SULF2: variants seen among roughly 807,000 people sequenced by gnomAD.
SULF2 encodes extracellular sulfatase Sulf-2.
Under a neutral mutation model 107.7 loss-of-function variants are expected in SULF2, and 52 were observed. The observed-to-expected ratio is 0.48, with a 90% confidence interval of 0.39 to 0.61. The LOEUF (loss-of-function observed/expected upper bound fraction) is 0.61. Ranked by LOEUF, SULF2 falls within the 20% of genes least tolerant of loss-of-function variation. SULF2 has a pLI of 0.00. For synonymous variants in SULF2, 460 were observed against 464.3 expected (o/e 0.99, Z 0.12); for missense variants, 993 against 1,177.3 (o/e 0.84, Z 2.29).
chr20:47,697,435 C>T (rs1208922475), intron 4 of SULF2, among the ~76,000 whole-genome samples: 3 of 152,344 alleles, frequency 2.0e-5, no homozygotes, highest in Middle Eastern at 3.4e-3. Context: ...CAGTGACATT[C>T]TGCCTTGCCA....
At chr20:47,741,016 C>G (rs1424679293) in intron 2 of SULF2, among the ~76,000 whole-genome samples, 1 of 152,194 alleles carries the variant, frequency 6.6e-6, no homozygotes, top group African/African-American at 2.4e-5. Flanking sequence ...CTCTCTTCAA[C>G]GTAAACACCC....
chr20:47,676,032 G>A (rs2087628543), intron 10 of SULF2, among the ~76,000 whole-genome samples: 2 of 151,918 alleles, frequency 1.3e-5, no homozygotes, highest in Admixed American at 1.3e-4. Flanking sequence ...GACTGTTCCT[G>A]GCCATAATTT....
rs559345420 is a variant in SULF2, at chr20:47,658,223, T to C, written c.*139A>G. On this transcript the variant is annotated 3_prime_UTR_variant, in exon 21 of 21. Coordinates refer to ENST00000688720, the MANE Select transcript of SULF2 (RefSeq NM_001387048.1). ...TGGTTATCCTCCAGAATCTGTCATG[T>C]TGACTGAGAGTGCGTGCTTGCTTTC... The C allele has an allele frequency of 6.3e-4, 523 of 825,242 alleles. 2 individuals are homozygous for C. Among genetic ancestry groups the C allele is most frequent in the Middle Eastern group, 5.0e-3 (21 of 4,164 alleles). 51.1% of individuals were successfully genotyped at this position (825,242 alleles called of 1,614,324 possible).
chr20:47,769,822 G>A (rs1474316175), intron 1 of SULF2, among the ~76,000 whole-genome samples: 1 of 152,110 alleles, frequency 6.6e-6, no homozygotes, highest in Non-Finnish European at 1.5e-5. Flanking sequence ...AAATAGGTTG[G>A]GTAGCGAAGG....
intron 2 of SULF2, among the ~76,000 whole-genome samples, chr20:47,738,541 A>G (rs1450040920): frequency 6.6e-6 from 1 of 152,192 alleles, no homozygotes; most frequent in African/African-American, 2.4e-5. Context: ...TGTGGCTCCC[A>G]TATTTCCCAC....
chr20:47,712,025 C>CAGGAAAATACAGAAAAT (rs1982471505), intron 3 of SULF2, among the ~76,000 whole-genome samples: 1 of 152,180 alleles, frequency 6.6e-6, no homozygotes, highest in African/African-American at 2.4e-5. Flanking sequence ...ACAGTAAAAG[C>CAGGAAAATACAGAAAAT]ACATATACAC....
upstream of SULF2, chr20:47,786,532 C>G (rs2090934148): frequency 6.6e-6 from 1 of 152,220 alleles, no homozygotes; most frequent in Admixed American, 6.5e-5. Context: ...CAGGGCAAAC[C>G]GAGCTGCCTG....
intron 3 of SULF2, among the ~76,000 whole-genome samples, chr20:47,736,428 G>T (rs1337252068): frequency 1.3e-5 from 2 of 152,088 alleles, no homozygotes; most frequent in African/African-American, 4.8e-5. Flanking sequence ...GCACCTTATG[G>T]CCTCTCCACA....
intron 1 of SULF2, among the ~76,000 whole-genome samples, chr20:47,776,560 T>C (rs2090729075): frequency 6.6e-6 from 1 of 152,168 alleles, no homozygotes; most frequent in African/African-American, 2.4e-5. Flanking sequence ...TGACCGCTGT[T>C]CTTTCAGGAA....
At chr20:47,674,096 G>A (rs908462643) in intron 10 of SULF2, among the ~76,000 whole-genome samples, 1 of 152,228 alleles carries the variant, frequency 6.6e-6, no homozygotes, top group Non-Finnish European at 1.5e-5. Context: ...TTTTTACATT[G>A]TACGTTTTCA....
At chr20:47,692,721 T>G (rs895638502) in intron 4 of SULF2, among the ~76,000 whole-genome samples, 8 of 152,198 alleles carry the variant, frequency 5.3e-5, no homozygotes, top group Admixed American at 3.9e-4. Context: ...GCAATCCTCC[T>G]GCCTCAGCCT....
chr20:47,666,615 C>T lies in SULF2; in HGVS notation c.1577-127G>A, dbSNP rs76200568. ...ATGAGGCTCAGCTTTGCCTGCGACT[C>T]GAGGGGTCGTGGAATCTACCCGCCT... is the stretch of plus-strand genomic sequence containing the variant. On this transcript the variant is annotated intron_variant, in intron 11 of 20. Coordinates refer to ENST00000688720, the MANE Select transcript of SULF2 (RefSeq NM_001387048.1). The surrounding 1 kb of genome is among the most constrained non-coding windows in gnomAD (Gnocchi z 5.4). The T allele has an allele frequency of 1.4e-3, 1,042 of 746,416 alleles. 11 individuals carry two copies. The East Asian group carries it at 0.022, about 16-fold the overall frequency. 46.2% of individuals were successfully genotyped at this position (746,416 alleles called of 1,614,324 possible). A position where few individuals can be genotyped will look rare whatever the true frequency, so the allele number is the denominator to read the frequency against.
intron 1 of SULF2, among the ~76,000 whole-genome samples, chr20:47,779,225 T>C (rs1198521067): frequency 6.6e-6 from 1 of 152,224 alleles, no homozygotes; most frequent in Non-Finnish European, 1.5e-5. Flanking sequence ...GCAGCATCCC[T>C]GGCCTCTACC....
intron 3 of SULF2, among the ~76,000 whole-genome samples, chr20:47,713,076 G>T (rs1039743015): frequency 6.6e-6 from 1 of 151,912 alleles, no homozygotes; most frequent in South Asian, 2.1e-4. Flanking sequence ...GAAAGGAAGG[G>T]ATTTCTATTA....
intron 4 of SULF2, among the ~76,000 whole-genome samples, chr20:47,691,791 A>C (rs2088205774): frequency 6.6e-6 from 1 of 152,230 alleles, no homozygotes; most frequent in African/African-American, 2.4e-5. Flanking sequence ...TGACTTACAT[A>C]TTGGGCAAGA....
In SULF2 at chr20:47,678,891, G is replaced by A. The variant is rs1055349290; in HGVS notation, c.1065-87C>T. 1.7e-6 allele frequency: 2 copies of A among 1,166,012 alleles called. No homozygotes were observed. Among genetic ancestry groups the A allele is most frequent in the Admixed American group, 1.7e-5 (1 of 57,706 alleles). 72.2% of individuals were successfully genotyped at this position (1,166,012 alleles called of 1,614,324 possible). A position where few individuals can be genotyped will look rare whatever the true frequency, so the allele number is the denominator to read the frequency against. The stretch of plus-strand genomic sequence containing the variant: ...GGGGGTGGGGAGCGGTAGGTGGGCA[G>A]CAGTTTGTGGGAGGCTGACATCTGC... On this transcript the variant is annotated intron_variant, in intron 7 of 20. Transcript: ENST00000688720. The surrounding 1 kb of genome is among the most constrained non-coding windows in gnomAD (Gnocchi z 4.5).
chr20:47,723,737 G>A (rs992761819), intron 3 of SULF2, among the ~76,000 whole-genome samples: 6 of 152,114 alleles, frequency 3.9e-5, no homozygotes, highest in Non-Finnish European at 5.9e-5. Context: ...CATTGCCCCC[G>A]GGTGAGACCA....
chr20:47,740,916 CTTTCCTCCGG>C (rs1335672179), intron 2 of SULF2, among the ~76,000 whole-genome samples: 4 of 152,150 alleles, frequency 2.6e-5, no homozygotes, highest in African/African-American at 9.7e-5. Context: ...AGCCACTCCC[CTTTCCTCCGG>C]GTACTTGGGC....
intron 2 of SULF2, among the ~76,000 whole-genome samples, chr20:47,747,051 A>G (rs1600639305): frequency 6.8e-6 from 1 of 147,088 alleles, no homozygotes; most frequent in East Asian, 2.0e-4. Flanking sequence ...GGAATCTCTT[A>G]TTTTTCACCT....
Sources: allele counts gnomAD v4.1 joint callset (sites outside exome capture counted in the v4.1 genomes callset), GRCh38; gene constraint gnomAD v4.1.1; non-coding constraint Gnocchi (gnomAD v3.1); transcripts MANE v1.5; gene names NCBI Gene and HGNC (gene_info 2026-07-23, HGNC 2026-07-21).